The following AGBL4 variants were observed in gnomAD, a reference collection of about 807,000 sequenced individuals.
AGBL4 encodes cytosolic carboxypeptidase 6.
AGBL4 carries 58 observed loss-of-function variants against 66.4 expected under a neutral mutation model. That is an observed-to-expected ratio of 0.87 (90% CI 0.71 to 1.09). AGBL4 has a LOEUF of 1.09. AGBL4 is among the 50% of genes least tolerant of loss of function. The pLI is 0.00. For missense variants in AGBL4, 579 were observed against 631.0 expected (o/e 0.92, Z 0.88); for synonymous variants, 234 against 222.9 (o/e 1.05, Z -0.44).
At chr1:48,888,349 G>T (rs1250365492) in intron 5 of AGBL4, among the ~76,000 whole-genome samples, 1 of 152,058 alleles carries the variant, frequency 6.6e-6, no homozygotes, top group African/African-American at 2.4e-5. Context: ...TCCAGCTCTG[G>T]GTATCCTTCT....
intron 1 of AGBL4, among the ~76,000 whole-genome samples, chr1:50,016,525 G>A (rs1661996805): frequency 6.6e-6 from 1 of 152,124 alleles, no homozygotes; most frequent in African/African-American, 2.4e-5. Context: ...TTGTGCCACT[G>A]TACTCCATCT....
In AGBL4 at chr1:49,058,322, C is replaced by T. The variant is rs577523489; in HGVS notation, c.378-12522G>A. Among the ~76,000 whole-genome samples, 5 of 152,202 alleles carry T rather than the reference C, an allele frequency of 3.3e-5. 1 individual carries two copies. Among genetic ancestry groups the T allele is most frequent in the African/African-American group, 7.2e-5 (3 of 41,534 alleles). On this transcript the variant is annotated intron_variant, in intron 4 of 13. Transcript: ENST00000371839. ...TAATTGAATCATGGGGGCGGTTACC[C>T]CCATGCTGCTGTTCTTGTGATAGTG...
At chr1:48,921,837 A>G (rs955749631) in intron 5 of AGBL4, among the ~76,000 whole-genome samples, 1 of 152,188 alleles carries the variant, frequency 6.6e-6, no homozygotes, top group Non-Finnish European at 1.5e-5. Context: ...CATTATGAAA[A>G]TCAGCTATTC....
intron 2 of AGBL4, among the ~76,000 whole-genome samples, chr1:49,733,358 T>C (rs764853030): frequency 2.6e-5 from 4 of 152,098 alleles, no homozygotes; most frequent in Non-Finnish European, 5.9e-5. Context: ...ACAACAGAAA[T>C]GGTAAACATG....
intron 2 of AGBL4, among the ~76,000 whole-genome samples, chr1:49,736,338 T>C (rs183000636): frequency 1.8e-4 from 27 of 152,158 alleles, no homozygotes; most frequent in African/African-American, 5.5e-4. Flanking sequence ...CTCTAATTTC[T>C]TTTCTTTTTT....
intron 4 of AGBL4, among the ~76,000 whole-genome samples, chr1:49,073,252 T>C (rs1644646152): frequency 6.6e-6 from 1 of 152,190 alleles, no homozygotes; most frequent in Non-Finnish European, 1.5e-5. Flanking sequence ...TTCTATGAGT[T>C]TGTCAAACTC....
intron 3 of AGBL4, among the ~76,000 whole-genome samples, chr1:49,557,006 C>G (rs567618402): frequency 1.3e-5 from 2 of 152,084 alleles, no homozygotes; most frequent in Non-Finnish European, 2.9e-5. Context: ...GCTCAGAGTG[C>G]GGGGCTGCCC....
intron 1 of AGBL4, among the ~76,000 whole-genome samples, chr1:49,859,768 A>C (rs1021076836): frequency 9.2e-5 from 14 of 152,086 alleles, no homozygotes; most frequent in African/African-American, 3.4e-4. Context: ...AACGTGCAAT[A>C]AACAAAGAAA....
intron 5 of AGBL4, among the ~76,000 whole-genome samples, chr1:48,870,298 G>GTAC (rs770489260): frequency 6.6e-6 from 1 of 151,924 alleles, no homozygotes; most frequent in Non-Finnish European, 1.5e-5. Context: ...TCTTTGTCAT[G>GTAC]TACTGTCTTT....
rs1280391998 is a variant in AGBL4 at position 48,848,269 on chromosome 1, G to T, written c.634+18922C>A. On this transcript the variant is annotated intron_variant, in intron 6 of 13. Transcript: ENST00000371839. ...TACTGTCCCAGTGACTTAATGGGCG[G>T]ACTACAACTATTTCAATGTCTGAGT... Among the ~76,000 whole-genome samples, 3 of 152,212 alleles carry T rather than the reference G, an allele frequency of 2.0e-5. No homozygotes were observed. The Middle Eastern group carries it at 0.01, about 518-fold the overall frequency.
intron 4 of AGBL4, among the ~76,000 whole-genome samples, chr1:49,054,225 A>G (rs1046928534): frequency 2.0e-5 from 3 of 152,108 alleles, no homozygotes; most frequent in African/African-American, 7.2e-5. Flanking sequence ...CAGCAGTTTT[A>G]TATCAAAGTC....
chr1:49,586,325 G>C (rs1644646891), intron 3 of AGBL4, among the ~76,000 whole-genome samples: 1 of 152,166 alleles, frequency 6.6e-6, no homozygotes, highest in South Asian at 2.1e-4. Flanking sequence ...AGAATGACTA[G>C]CATTCCTCTT....
At chr1:49,313,395 T>C (rs1264229326) in intron 3 of AGBL4, among the ~76,000 whole-genome samples, 1 of 152,150 alleles carries the variant, frequency 6.6e-6, no homozygotes, top group Non-Finnish European at 1.5e-5. Flanking sequence ...TACCCAGTAA[T>C]GGGATTGCTG....
chr1:49,435,673 C>G (rs1282852613), intron 3 of AGBL4, among the ~76,000 whole-genome samples: 1 of 152,198 alleles, frequency 6.6e-6, no homozygotes, highest in Non-Finnish European at 1.5e-5. Context: ...CTAGGGAGAA[C>G]TCAGAGTTCT....
chr1:48,554,704 C>T (rs1233350250), intron 11 of AGBL4, among the ~76,000 whole-genome samples: 1 of 151,910 alleles, frequency 6.6e-6, no homozygotes, highest in Non-Finnish European at 1.5e-5. Flanking sequence ...GACTATTTTC[C>T]AGGTACTGTG....
chr1:49,593,136 C>T (rs187563234), intron 3 of AGBL4, among the ~76,000 whole-genome samples: 11 of 152,298 alleles, frequency 7.2e-5, no homozygotes, highest in East Asian at 1.9e-4. Flanking sequence ...AGGCTGGGCG[C>T]GGTGTCTCAC....
At chr1:48,801,537 C>T in intron 6 of AGBL4, among the ~76,000 whole-genome samples, 1 of 152,142 alleles carries the variant, frequency 6.6e-6, no homozygotes, top group East Asian at 1.9e-4. Flanking sequence ...CAGGGCTTTT[C>T]CCATAGTTTT....
chr1:48,561,518 T>G (rs1644396981), intron 11 of AGBL4, among the ~76,000 whole-genome samples: 1 of 152,236 alleles, frequency 6.6e-6, no homozygotes, highest in African/African-American at 2.4e-5. Flanking sequence ...TCAACTTGAC[T>G]GAGATGCCCA....
chr1:49,314,009 T>C (rs891761555), intron 3 of AGBL4, among the ~76,000 whole-genome samples: 1 of 152,202 alleles, frequency 6.6e-6, no homozygotes, highest in African/African-American at 2.4e-5. Flanking sequence ...AGGTCTTACG[T>C]TTAACTCCTT....
Sources: allele counts gnomAD v4.1 joint callset (sites outside exome capture counted in the v4.1 genomes callset), GRCh38; gene constraint gnomAD v4.1.1; transcripts MANE v1.5; gene names NCBI Gene and HGNC (gene_info 2026-07-23, HGNC 2026-07-21).